Variants in TNRC18 observed in about 807,000 individuals in gnomAD.
TNRC18 encodes trinucleotide repeat-containing gene 18 protein.
TNRC18 carries 69 observed loss-of-function variants against 226.7 expected under a neutral mutation model. The ratio of observed to expected loss-of-function variants is 0.30; its 90% CI spans 0.25 to 0.37. The LOEUF is 0.37. TNRC18 is among the 10% of genes least tolerant of loss of function. The pLI, the probability that TNRC18 is intolerant of heterozygous loss-of-function variation, is 1.00. For synonymous variants in TNRC18, 2,449 were observed against 1,927.6 expected (o/e 1.27, Z -7.09); for missense variants, 4,754 against 4,256.6 (o/e 1.12, Z -3.25).
At chr7:5,398,998 C>G (rs1384851252) in intron 2 of TNRC18, among the ~76,000 whole-genome samples, 2 of 152,164 alleles carry the variant, frequency 1.3e-5, no homozygotes, top group African/African-American at 4.8e-5. Context: ...ATCAAGGCAT[C>G]CCGCAACTCA....
intron 2 of TNRC18, among the ~76,000 whole-genome samples, chr7:5,413,836 A>G (rs1781991151): frequency 6.6e-6 from 1 of 151,940 alleles, no homozygotes; most frequent in Admixed American, 6.6e-5. Flanking sequence ...CCCAGCCCCT[A>G]GTTTTTCTTT....
At chr7:5,406,976 G>A (rs1562630671) in intron 2 of TNRC18, among the ~76,000 whole-genome samples, 1 of 152,186 alleles carries the variant, frequency 6.6e-6, no homozygotes, top group Non-Finnish European at 1.5e-5. Context: ...GTTCCTGCAG[G>A]GAGCTAGGGC....
chr7:5,423,719 C>G lies in TNRC18; in HGVS notation c.-522G>C, dbSNP rs1034786155. On this transcript the variant is annotated 5_prime_UTR_variant, in exon 1 of 30. Coordinates refer to ENST00000430969, the MANE Select transcript of TNRC18 (RefSeq NM_001080495.3). ...AGCTTTCCTCCCGCCGAGCTCCCCG[C>G]TTTTTAATAAAATCCAGGTAGCGCC... is the stretch of plus-strand genomic sequence containing the variant. Among the ~76,000 whole-genome samples, 7 of 152,036 alleles carry G rather than the reference C, an allele frequency of 4.6e-5. No individual in the cohort carries two copies. Among genetic ancestry groups the G allele is most frequent in the Non-Finnish European group, 1.0e-4 (7 of 67,984 alleles).
Position 5,322,393 on chromosome 7 carries a change from G to T in TNRC18, c.6443-1203C>A, listed in dbSNP as rs187768313. On this transcript the variant is annotated intron_variant, in intron 21 of 29. Transcript: ENST00000430969. ...AGCTCACTGCAGCCTGGAACTCCTG[G>T]GTTCAAGCCATCCTCCCACCTTAGC... 5.3e-3 allele frequency among the ~76,000 whole-genome samples: 809 copies of T among 152,198 alleles called. 2 individuals are homozygous for T. The highest frequency in any genetic ancestry group is 9.2e-3 in the Non-Finnish European group (629 of 68,016).
intron 18 of TNRC18, 45 bp downstream of exon 18, chr7:5,345,517 G>GGGGGGGCCCCCCCCC: frequency 2.6e-6 from 1 of 377,744 alleles, no homozygotes; most frequent in Non-Finnish European, 4.8e-6. Context: ...AATGGCGTCC[G>GGGGGGGCCCCCCCCC]CCCCTCCCAC....
At chr7:5,381,089 C>A (rs1779367517) in intron 5 of TNRC18, among the ~76,000 whole-genome samples, 1 of 152,204 alleles carries the variant, frequency 6.6e-6, no homozygotes, top group Admixed American at 6.5e-5. Flanking sequence ...GCGCCACCTG[C>A]CACAGAAGCC....
At position 5,364,644 on chromosome 7, in the gene TNRC18, A is replaced by G. The variant is rs186010818; in HGVS notation, c.4220-1819T>C. Among the ~76,000 whole-genome samples, 54 of 151,222 alleles carry G rather than the reference A, an allele frequency of 3.6e-4. 4 individuals carry two copies. In the East Asian group the frequency reaches 0.011, roughly 30 times the overall value. ...CATGGTAAAACCCCCTCTCTACTAAAAATACAGAAATTAGCTGGGCATGGT... is the reference window on the plus strand; with the variant it reads ...CATGGTAAAACCCCCTCTCTACTAAGAATACAGAAATTAGCTGGGCATGGT... On this transcript the variant is annotated intron_variant, in intron 11 of 29. Transcript: ENST00000430969.
At position 5,388,383 on chromosome 7, in the gene TNRC18, C is replaced by A. The variant is rs771991498; in HGVS notation, c.1441G>T (p.Gly481Cys). The A allele has an allele frequency of 2.2e-4, 342 of 1,529,684 alleles. 2 individuals carry two copies. The highest frequency in any genetic ancestry group is 5.1e-4 in the Middle Eastern group (3 of 5,904). 94.8% of individuals were successfully genotyped at this position (1,529,684 alleles called of 1,614,324 possible). A position where few individuals can be genotyped will look rare whatever the true frequency, so the allele number is the denominator to read the frequency against. The stretch of plus-strand genomic sequence containing the variant: ...TGTTGGGCTGCAGGACCGGCTGGGC[C>A]GCGGGGCGCACGCTCGCAGGGCCTC... ...DPRPCERAPR[G>C]PAGPAAQQAA... The change falls in exon 5 of 30, where the codon GGC becomes TGC. Residue 481 changes from glycine (G) to cysteine (C), a missense_variant. By Grantham distance (159) the Gly-to-Cys change is radical. Transcript: ENST00000430969.
At chr7:5,351,490 G>A (rs1362689007) in intron 17 of TNRC18, among the ~76,000 whole-genome samples, 1 of 150,462 alleles carries the variant, frequency 6.6e-6, no homozygotes, top group Non-Finnish European at 1.5e-5. Context: ...CGGGGGTGGG[G>A]GGAACTCGGG....
intron 25 of TNRC18, among the ~76,000 whole-genome samples, chr7:5,315,703 T>C (rs1020016828): frequency 6.6e-6 from 1 of 152,238 alleles, no homozygotes; most frequent in Non-Finnish European, 1.5e-5. Context: ...ATTACAGGCG[T>C]GAGCCACCGC....
chr7:5,320,664 C>A, intron 22 of TNRC18, 57 bp from the exon 23 acceptor site: 1 of 1,476,768 alleles, frequency 6.8e-7, no homozygotes, highest in Non-Finnish European at 9.4e-7. Context: ...CAGAGGGCCT[C>A]AATCCCACCA....
At chr7:5,344,688 C>CG (rs989958117) in intron 18 of TNRC18, among the ~76,000 whole-genome samples, 14 of 152,122 alleles carry the variant, frequency 9.2e-5, no homozygotes, top group East Asian at 5.8e-4. Flanking sequence ...AAAAGGATGC[C>CG]GGGGGGGTCA....
chr7:5,325,600 A>C, intron 19 of TNRC18: 1 of 255,768 alleles, frequency 3.9e-6, no homozygotes, highest in Non-Finnish European at 7.4e-6. Context: ...ATGTTTTTGT[A>C]TTTTCAGTAG....
At chr7:5,327,486 G>C (rs1305376683) in intron 19 of TNRC18, among the ~76,000 whole-genome samples, 2 of 151,844 alleles carry the variant, frequency 1.3e-5, no homozygotes, top group East Asian at 3.9e-4. Context: ...AGGCATCTTA[G>C]GCGCTGAAAG....
chr7:5,366,868 C>T (rs767720070), intron 11 of TNRC18, among the ~76,000 whole-genome samples: 14 of 152,212 alleles, frequency 9.2e-5, no homozygotes, highest in Non-Finnish European at 1.6e-4. Flanking sequence ...AAGCTCTTAA[C>T]TGATCAGGCA....
At chr7:5,335,605 G>GA (rs60546145) in intron 18 of TNRC18, among the ~76,000 whole-genome samples, 93,186 of 126,678 alleles carry the variant, frequency 0.74, 34,270 homozygotes, top group East Asian at 0.81. Context: ...ACTCCGTCTA[G>GA]AAAAAAAAAA....
intron 18 of TNRC18, among the ~76,000 whole-genome samples, chr7:5,335,080 TCA>T (rs1309603847): frequency 6.6e-6 from 1 of 151,026 alleles, no homozygotes; most frequent in East Asian, 1.9e-4. Flanking sequence ...GGCGGGCGGA[TCA>T]CCTGAGGTCA....
intron 5 of TNRC18, 142 bp from the exon 6 acceptor site, chr7:5,378,166 A>G: frequency 1.6e-6 from 1 of 621,754 alleles, no homozygotes; most frequent in Non-Finnish European, 2.8e-6. Flanking sequence ...CCTTCACCCC[A>G]ACATCTTTCC....
In TNRC18 at chr7:5,389,076, G is replaced by GC. The variant is rs1249429680; in HGVS notation, c.747_748insG (p.Arg250AlafsTer11). On this transcript the variant is annotated frameshift_variant, in exon 5 of 30. Coordinates refer to ENST00000430969, the MANE Select transcript of TNRC18 (RefSeq NM_001080495.3). LOFTEE classifies it high-confidence loss of function. ...AGGCGCGGGGGCCCCCGGTCCTGGCGGCCCTCGGCGCGCGCCTCCTGGGTC... is the reference window on the plus strand; with the variant it reads ...AGGCGCGGGGGCCCCCGGTCCTGGCGCGCCCTCGGCGCGCGCCTCCTGGGTC... The GC allele has an allele frequency of 7.8e-6, 10 of 1,280,488 alleles. No individual in the cohort carries two copies. In the African/African-American group the frequency reaches 1.6e-4, roughly 21 times the overall value. The allele number at this position is 1,280,488 out of a possible 1,614,324, so 79.3% of individuals were successfully genotyped here. A position where few individuals can be genotyped will look rare whatever the true frequency, so the allele number is the denominator to read the frequency against.
Sources: allele counts gnomAD v4.1 joint callset (sites outside exome capture counted in the v4.1 genomes callset), GRCh38; gene constraint gnomAD v4.1.1; transcripts MANE v1.5; gene names NCBI Gene and HGNC (gene_info 2026-07-23, HGNC 2026-07-21).